POU6F2: variants seen among roughly 807,000 people sequenced by gnomAD.
POU6F2 encodes the protein POU domain, class 6, transcription factor 2.
POU6F2 carries 31 observed loss-of-function variants against 71.3 expected under a neutral mutation model. The observed-to-expected ratio is 0.43, with a 90% CI of 0.33 to 0.59. The LOEUF (loss-of-function observed/expected upper bound fraction) is 0.59. Ranked by LOEUF, POU6F2 falls within the 20% of genes least tolerant of loss-of-function variation. The pLI is 0.04. For synonymous variants in POU6F2, 347 were observed against 355.7 expected, an observed-to-expected ratio of 0.98 and a Z score of 0.27; for missense variants, 783 against 856.8, an observed-to-expected ratio of 0.91 and a Z score of 1.07.
intron 4 of POU6F2, among the ~76,000 whole-genome samples, chr7:39,217,689 A>G (rs1341894497): frequency 6.6e-6 from 1 of 152,236 alleles, no homozygotes; most frequent in East Asian, 1.9e-4. Flanking sequence ...ACGCCATACA[A>G]TAATACCAAA....
rs191491134 is a variant in POU6F2, at chr7:39,268,325, C to A, written c.598+60705C>A. On this transcript the variant is annotated intron_variant, in intron 4 of 9. Coordinates refer to ENST00000518318, the MANE Select transcript of POU6F2 (RefSeq NM_001370959.1). The stretch of plus-strand genomic sequence containing the variant: ...GACACTAATTGGTGCCAGTTTAGAT[C>A]TGCCTGATGTTATCTTTATGAGTGT... Among the ~76,000 whole-genome samples the A allele has an allele frequency of 1.7e-3, 256 of 152,296 alleles. 1 individual carries two copies. Among genetic ancestry groups the A allele is most frequent in the Middle Eastern group, 0.01 (3 of 294 alleles).
intron 1 of POU6F2, among the ~76,000 whole-genome samples, chr7:39,000,037 G>GA (rs1282814845): frequency 6.6e-6 from 1 of 152,056 alleles, no homozygotes; most frequent in East Asian, 1.9e-4. Context: ...TTGAAACCTG[G>GA]AAAAAATTAC....
chr7:39,204,160 A>G (rs949805707), intron 2 of POU6F2, 75 bp from the exon 3 acceptor site: 8 of 1,240,540 alleles, frequency 6.4e-6, no homozygotes, highest in South Asian at 2.5e-5. Context: ...CATATCATCT[A>G]TGCCTTAATG....
At chr7:39,444,785 A>G (rs1583609955) in intron 7 of POU6F2, among the ~76,000 whole-genome samples, 1 of 152,152 alleles carries the variant, frequency 6.6e-6, no homozygotes, top group Non-Finnish European at 1.5e-5. Context: ...TCTTTCCCCT[A>G]ATTGCCCCGT....
chr7:39,385,482 A>T (rs1393671519), intron 5 of POU6F2, among the ~76,000 whole-genome samples: 1 of 152,196 alleles, frequency 6.6e-6, no homozygotes, highest in Non-Finnish European at 1.5e-5. Flanking sequence ...GTGTGAAAGA[A>T]CATGTTGGGT....
intron 4 of POU6F2, among the ~76,000 whole-genome samples, chr7:39,312,066 GA>G (rs1469386194): frequency 6.6e-6 from 1 of 151,878 alleles, no homozygotes; most frequent in Admixed American, 6.6e-5. Context: ...GAAAATAGAA[GA>G]AAAGGAATTG....
At position 39,085,966 on chromosome 7, in the gene POU6F2, T is replaced by A. The variant is rs1791234112; in HGVS notation, c.212T>A (p.Leu71Gln). The change falls in exon 2 of 10, where the codon CTG becomes CAG. Residue 71 changes from leucine to glutamine, a missense_variant. Leu to Gln is a moderately radical substitution (Grantham distance 113). Around this residue, in one of 2 missense-constraint regions of POU6F2, gnomAD observed 572 missense variants for 572.9 expected, o/e 1.00. Coordinates refer to ENST00000518318, the MANE Select transcript of POU6F2 (RefSeq NM_001370959.1). Reference sequence around the variant, plus strand: ...AAGGCTGCTACTTCAGACAGCGAGCTGAATGAGCCCCTGCTTGCGCCTGTG... The same window carrying A: ...AAGGCTGCTACTTCAGACAGCGAGCAGAATGAGCCCCTGCTTGCGCCTGTG... ...EDKAATSDSE[L>Q]NEPLLAPVES... 1 of 1,613,698 alleles carries A rather than the reference T, an allele frequency of 6.2e-7. No individual in the cohort carries two copies. Among genetic ancestry groups the A allele is most frequent in the East Asian group, 2.2e-5 (1 of 44,842 alleles).
At chr7:39,055,833 A>G (rs1790503894) in intron 1 of POU6F2, among the ~76,000 whole-genome samples, 2 of 151,964 alleles carry the variant, frequency 1.3e-5, no homozygotes, top group Non-Finnish European at 2.9e-5. Flanking sequence ...CTTGATGTTG[A>G]GCATTCTGTT....
In POU6F2 at chr7:39,464,280, A is replaced by G. The variant is rs759671010; in HGVS notation, c.1757A>G (p.Tyr586Cys). Residue 586 changes from tyrosine (Y) to cysteine (C), a missense_variant, in exon 10 of 10, where the codon TAT becomes TGT. This residue lies in a region of POU6F2 where 211 missense variants were observed against 283.9 expected (regional missense o/e 0.74). Transcript: ENST00000518318. The surrounding 1 kb of genome is among the most constrained non-coding windows in gnomAD (Gnocchi z 4.1). ...GCCAAACTGAACCCTGGCCTTTTGT[A>G]TCCTGCCAGGTTTGAAAAGCTGGAC... ...LTAKLNPGLL[Y>C]PARFEKLDIT... 3.8e-5 allele frequency: 62 copies of G among 1,613,896 alleles called. No individual in the cohort carries two copies. Among genetic ancestry groups the G allele is most frequent in the Non-Finnish European group, 5.0e-5 (59 of 1,179,892 alleles).
chr7:39,389,755 T>G (rs757583197), intron 5 of POU6F2, among the ~76,000 whole-genome samples: 2 of 152,196 alleles, frequency 1.3e-5, no homozygotes, highest in Non-Finnish European at 2.9e-5. Context: ...CCCCTGTGTT[T>G]AACAATTATA....
intron 5 of POU6F2, among the ~76,000 whole-genome samples, chr7:39,341,394 G>A (rs1162591178): frequency 6.6e-6 from 1 of 152,106 alleles, no homozygotes; most frequent in Non-Finnish European, 1.5e-5. Flanking sequence ...GTGAGACAAC[G>A]TAACACCTTT....
intron 1 of POU6F2, among the ~76,000 whole-genome samples, chr7:39,069,438 T>C (rs1790828188): frequency 6.6e-6 from 1 of 152,130 alleles, no homozygotes; most frequent in Non-Finnish European, 1.5e-5. Flanking sequence ...TCTGACGAGC[T>C]CAAGACCGTG....
chr7:39,150,225 CTGTGTGTGTG>C (rs60761447), intron 2 of POU6F2, among the ~76,000 whole-genome samples: 28 of 141,158 alleles, frequency 2.0e-4, no homozygotes, highest in African/African-American at 6.8e-4. Context: ...AGTAATATGT[CTGTGTGTGTG>C]TGTGTGTGTG....
intron 5 of POU6F2, among the ~76,000 whole-genome samples, chr7:39,362,921 C>T (rs1403828374): frequency 6.6e-6 from 1 of 152,018 alleles, no homozygotes; most frequent in South Asian, 2.1e-4. Flanking sequence ...CCAGCAAGAC[C>T]GGTACAAAGT....
At chr7:39,450,024 C>T (rs1234407281) in intron 7 of POU6F2, among the ~76,000 whole-genome samples, 1 of 152,120 alleles carries the variant, frequency 6.6e-6, no homozygotes, top group Non-Finnish European at 1.5e-5. Flanking sequence ...TCTTGATTAT[C>T]GTGGTGGTTT....
At chr7:39,050,545 A>G (rs1413051450) in intron 1 of POU6F2, among the ~76,000 whole-genome samples, 2 of 152,096 alleles carry the variant, frequency 1.3e-5, no homozygotes, top group Non-Finnish European at 2.9e-5. Context: ...CTCATTTCCC[A>G]TATTTTCCTG....
chr7:39,267,299 T>C (rs1041674766), intron 4 of POU6F2, among the ~76,000 whole-genome samples: 2 of 152,334 alleles, frequency 1.3e-5, no homozygotes, highest in South Asian at 2.1e-4. Flanking sequence ...GCTCTTCAGA[T>C]ATACAAGTGT....
chr7:39,173,118 T>C, intron 2 of POU6F2, among the ~76,000 whole-genome samples: 1 of 152,338 alleles, frequency 6.6e-6, no homozygotes, highest in East Asian at 1.9e-4. Flanking sequence ...TGCAATGATA[T>C]AAAAATTACT....
chr7:39,458,281 C>T (rs1788852933), intron 8 of POU6F2, among the ~76,000 whole-genome samples: 1 of 152,124 alleles, frequency 6.6e-6, no homozygotes, highest in African/African-American at 2.4e-5. Context: ...TGGACATTAC[C>T]AAGTGCAAAT....
Sources: allele counts gnomAD v4.1 joint callset (sites outside exome capture counted in the v4.1 genomes callset), GRCh38; gene constraint gnomAD v4.1.1; regional missense constraint gnomAD v4.1.1; non-coding constraint Gnocchi (gnomAD v3.1); transcripts MANE v1.5; gene names NCBI Gene and HGNC (gene_info 2026-07-23, HGNC 2026-07-21).